The following SCIMP variants were observed in gnomAD, a reference collection of about 807,000 sequenced individuals.
SCIMP encodes SLP adapter and CSK-interacting membrane protein.
SCIMP carries 18 observed loss-of-function variants against 22.0 expected under a neutral mutation model. The observed-to-expected ratio is 0.82, with a 90% CI of 0.56 to 1.21. SCIMP has a LOEUF of 1.21. Among genes scored for constraint, SCIMP ranks in the 50% most tolerant of loss-of-function variants. SCIMP has a pLI of 0.00. For synonymous variants in SCIMP, 53 were observed against 62.2 expected, an observed-to-expected ratio of 0.85 and a Z score of 0.70; for missense variants, 155 against 171.2, an observed-to-expected ratio of 0.91 and a Z score of 0.53.
At chr17:5,229,405 T>G (rs1417214920) in intron 1 of SCIMP, among the ~76,000 whole-genome samples, 1 of 141,460 alleles carries the variant, frequency 7.1e-6, no homozygotes, top group African/African-American at 2.7e-5. Flanking sequence ...TTTTTTTTTT[T>G]TTTTTTGAGA....
At chr17:5,228,556 G>A (rs976076224) in intron 1 of SCIMP, among the ~76,000 whole-genome samples, 3 of 151,516 alleles carry the variant, frequency 2.0e-5, no homozygotes, top group African/African-American at 7.3e-5. Flanking sequence ...TAGGTGAGAG[G>A]ATTGCTTGAG....
At chr17:5,227,922 C>A (rs139904483) in intron 1 of SCIMP, among the ~76,000 whole-genome samples, 18 of 152,278 alleles carry the variant, frequency 1.2e-4, no homozygotes, top group Middle Eastern at 3.4e-3. Context: ...TGCCTGTAAT[C>A]CCAGCACTTT....
At chr17:5,222,583 A>C (rs2074616562) in intron 2 of SCIMP, among the ~76,000 whole-genome samples, 2 of 152,208 alleles carry the variant, frequency 1.3e-5, no homozygotes, top group Non-Finnish European at 2.9e-5. Context: ...GAAAATTCAG[A>C]GTATGGTCTC....
chr17:5,233,777 G>A (rs1439904301), intron 1 of SCIMP: 1 of 152,250 alleles, frequency 6.6e-6, no homozygotes, highest in Non-Finnish European at 1.5e-5. Flanking sequence ...AGTGGGAGTG[G>A]ATATGGCAAA....
At chr17:5,232,811 G>A (rs1419833078) in intron 1 of SCIMP, among the ~76,000 whole-genome samples, 2 of 151,854 alleles carry the variant, frequency 1.3e-5, no homozygotes, top group African/African-American at 4.8e-5. Context: ...CCTGGTTCAA[G>A]CTATTCTCCT....
At chr17:5,220,659 G>A (rs1367845988) in intron 3 of SCIMP, among the ~76,000 whole-genome samples, 2 of 152,036 alleles carry the variant, frequency 1.3e-5, no homozygotes, top group African/African-American at 4.8e-5. Flanking sequence ...CAGGAGAATT[G>A]CTTGAACCTG....
intron 4 of SCIMP, 146 bp downstream of exon 4, chr17:5,214,779 G>A (rs574493786): frequency 5.3e-6 from 3 of 567,398 alleles, no homozygotes; most frequent in Non-Finnish European, 9.3e-6. Context: ...GGCGGAGCTT[G>A]CAGTGAGCCG....
At position 5,232,232 on chromosome 17, in the gene SCIMP, C is replaced by T. The variant is rs560747517; in HGVS notation, c.21+2503G>A. 5.3e-5 allele frequency among the ~76,000 whole-genome samples: 8 copies of T among 152,214 alleles called. No homozygotes were observed. In the East Asian group the frequency reaches 5.8e-4, roughly 11 times the overall value. On this transcript the variant is annotated intron_variant, in intron 1 of 4. Transcript: ENST00000574081. ...CTGTGTGCAGTTGTTTGCGCTGATG[C>T]GTTACAAGCCCCTCTGGTGGTCCCC...
At position 5,210,388 on chromosome 17, in the gene SCIMP, G is replaced by C. The variant is rs1215436099; in HGVS notation, c.*413C>G. 2 of 158,078 alleles carry C rather than the reference G, an allele frequency of 1.3e-5. No individual in the cohort carries two copies. The highest frequency in any genetic ancestry group is 4.8e-5 in the African/African-American group (2 of 41,508). 9.8% of individuals were successfully genotyped at this position (158,078 alleles called of 1,614,324 possible). A position where few individuals can be genotyped will look rare whatever the true frequency, so the allele number is the denominator to read the frequency against. ...AGCATGCTTGGTGAGGGCCTTGCTG[G>C]GGATGGGAGCCTGGGAGGGTCTGCA... On this transcript the variant is annotated 3_prime_UTR_variant, in exon 5 of 5. Coordinates refer to ENST00000574081, the MANE Select transcript of SCIMP (RefSeq NM_207103.3).
chr17:5,223,399 T>G lies in SCIMP; in HGVS notation c.79A>C (p.Ile27Leu). 6.2e-7 allele frequency: 1 copy of G among 1,613,062 alleles called. No homozygotes were observed. Among genetic ancestry groups the G allele is most frequent in the African/African-American group, 1.3e-5 (1 of 74,866 alleles). The change falls in exon 2 of 5, where the codon ATC becomes CTC. Residue 27 changes from isoleucine (I) to leucine (L), a missense_variant. Physicochemically the swap from Ile to Leu is conservative, Grantham distance 5. Coordinates refer to ENST00000574081, the MANE Select transcript of SCIMP (RefSeq NM_207103.3). ...NNFWIILAVA[I>L]IVVSVGLGLI... ...CCCAGACCCACAGAGACAACGATGATGGCCACAGCTAAGATGATCCAGAAA... is the reference window on the plus strand; with the variant it reads ...CCCAGACCCACAGAGACAACGATGAGGGCCACAGCTAAGATGATCCAGAAA...
rs371215025 is a variant in SCIMP at position 5,234,822 on chromosome 17, T to G, written c.-67A>C. 981 of 1,574,396 alleles carry G rather than the reference T, an allele frequency of 6.2e-4. 5 individuals are homozygous for G. The African/African-American group carries it at 0.012, about 19-fold the overall frequency. The stretch of plus-strand genomic sequence containing the variant: ...GCTCAGGCACAGCTGGTGAGAGGCA[T>G]TCCTCACTCACAGGCCTTCACCCAC... On this transcript the variant is annotated 5_prime_UTR_variant, in exon 1 of 5. An upstream start codon of the reference 5' UTR is lost. Transcript: ENST00000574081.
intron 2 of SCIMP, among the ~76,000 whole-genome samples, chr17:5,222,089 CTTG>C (rs1174113769): frequency 2.3e-5 from 3 of 130,972 alleles, no homozygotes; most frequent in Non-Finnish European, 5.2e-5. Context: ...GGAATGAAAA[CTTG>C]TTTTTTTTTT....
At chr17:5,233,220 C>T (rs2074716555) in intron 1 of SCIMP, among the ~76,000 whole-genome samples, 1 of 152,152 alleles carries the variant, frequency 6.6e-6, no homozygotes, top group Non-Finnish European at 1.5e-5. Context: ...ATCCCCACCC[C>T]GCTTCAGCCC....
chr17:5,223,194 C>CA, intron 2 of SCIMP, 139 bp downstream of exon 2: 1 of 869,608 alleles, frequency 1.1e-6, no homozygotes. Context: ...GGTTAGGACT[C>CA]AAACCCAGAA....
chr17:5,230,962 G>C (rs1368780929), intron 1 of SCIMP, among the ~76,000 whole-genome samples: 4 of 152,122 alleles, frequency 2.6e-5, no homozygotes, highest in Admixed American at 2.6e-4. Flanking sequence ...AAAGCCTATA[G>C]AGCTAAAAGT....
Position 5,215,012 on chromosome 17 carries a change from AAG to A in SCIMP, c.210-16_210-15del, listed in dbSNP as rs753045630. On this transcript the variant is annotated splice_polypyrimidine_tract_variant and intron_variant, in intron 3 of 4. Transcript: ENST00000574081. ...TTAAGAACATTCCTAGAGAGAGAGA[AAG>A]AGAGAGAATCAGTGTTTGGTTTGGG... 3.2e-6 allele frequency: 5 copies of A among 1,569,068 alleles called. No individual in the cohort carries two copies. Among genetic ancestry groups the A allele is most frequent in the Admixed American group, 1.7e-5 (1 of 59,778 alleles).
At chr17:5,223,141 G>A (rs1365358055) in intron 2 of SCIMP, among the ~76,000 whole-genome samples, 192 bp downstream of exon 2, 1 of 152,120 alleles carries the variant, frequency 6.6e-6, no homozygotes, top group Non-Finnish European at 1.5e-5. Flanking sequence ...CTTTCACTGT[G>A]TGGATGAGGA....
chr17:5,211,199 A>G (rs1225825802), intron 4 of SCIMP, among the ~76,000 whole-genome samples: 2 of 152,206 alleles, frequency 1.3e-5, no homozygotes, highest in South Asian at 2.1e-4. Flanking sequence ...CCTGCACTGC[A>G]TGGAAACCAT....
chr17:5,214,806 C>T (rs1348831190), intron 4 of SCIMP, 119 bp downstream of exon 4: 10 of 619,192 alleles, frequency 1.6e-5, no homozygotes, highest in Non-Finnish European at 2.8e-5. Flanking sequence ...TGCCATTGCA[C>T]TCCAGCCTGG....
Sources: gnomAD v4.1 joint callset for allele counts (sites outside exome capture counted in the v4.1 genomes callset) on GRCh38, gnomAD v4.1.1 for gene constraint, MANE v1.5 for transcripts, NCBI Gene and HGNC (gene_info 2026-07-23, HGNC 2026-07-21) for gene names.